SPACA7: variants seen among roughly 807,000 people sequenced by gnomAD.
SPACA7 encodes the protein sperm acrosome associated 7, also known as sperm acrosome-associated protein 7.
SPACA7 carries 19 observed loss-of-function variants against 26.3 expected under a neutral mutation model. The observed-to-expected ratio is 0.72, with a 90% confidence interval of 0.50 to 1.06. The LOEUF (loss-of-function observed/expected upper bound fraction) is 1.06, where lower values mean the gene tolerates loss of function less well. Among genes scored for constraint, SPACA7 ranks in the 50% least tolerant of loss-of-function variants. SPACA7 has a pLI of 0.00. For missense variants in SPACA7, 211 were observed against 229.9 expected, an observed-to-expected ratio of 0.92 and a Z score of 0.53; for synonymous variants, 84 against 84.5, an observed-to-expected ratio of 0.99 and a Z score of 0.04.
chr13:112,400,106 C>G (rs914979812), intron 4 of SPACA7, among the ~76,000 whole-genome samples: 1 of 151,116 alleles, frequency 6.6e-6, no homozygotes, highest in Admixed American at 6.6e-5. Context: ...CTGGGACACA[C>G]ATGTAGGACA....
At chr13:112,394,813 A>G (rs974071481) in intron 2 of SPACA7, among the ~76,000 whole-genome samples, 1 of 152,142 alleles carries the variant, frequency 6.6e-6, no homozygotes, top group African/African-American at 2.4e-5. Flanking sequence ...ACCCCCAGAG[A>G]AACAGTGGCC....
chr13:112,411,733 A>C lies in SPACA7; in HGVS notation c.445+10569A>C, dbSNP rs563340818. Among the ~76,000 whole-genome samples the C allele has an allele frequency of 6.6e-5, 10 of 152,236 alleles. No homozygotes were observed. The East Asian group carries it at 1.9e-3, about 29-fold the overall frequency. The stretch of plus-strand genomic sequence containing the variant: ...CCTTTCACTTGACCTAATGTCCTTC[A>C]GTTCCACCTGTGTTGCTGCAATTGA... On this transcript the variant is annotated intron_variant, in intron 5 of 6. Coordinates refer to ENST00000283550, the MANE Select transcript of SPACA7 (RefSeq NM_145248.5).
intron 4 of SPACA7, among the ~76,000 whole-genome samples, chr13:112,399,481 C>T (rs1055414476): frequency 6.6e-6 from 1 of 152,240 alleles, no homozygotes; most frequent in Admixed American, 6.5e-5. Context: ...CTGGCCCCCT[C>T]TCCCAAAGCT....
intron 6 of SPACA7, among the ~76,000 whole-genome samples, chr13:112,433,394 GT>G (rs1877377098): frequency 6.7e-6 from 1 of 148,976 alleles, no homozygotes; most frequent in Admixed American, 6.8e-5. Flanking sequence ...GCCAGGCACT[GT>G]CCTAGGCTCT....
At chr13:112,376,896 C>A (rs553425306) in intron 1 of SPACA7, among the ~76,000 whole-genome samples, 5 of 152,236 alleles carry the variant, frequency 3.3e-5, no homozygotes, top group South Asian at 2.1e-4. Flanking sequence ...CATTTTCTTG[C>A]GAAGAGATAA....
intron 1 of SPACA7, among the ~76,000 whole-genome samples, chr13:112,391,465 A>G (rs17121043): frequency 0.029 from 4,340 of 152,258 alleles, 144 homozygotes; most frequent in African/African-American, 0.083. Flanking sequence ...TTTTCCCCAA[A>G]TTAACCAGAA....
intron 5 of SPACA7, among the ~76,000 whole-genome samples, chr13:112,428,851 A>G (rs982882264): frequency 1.4e-4 from 22 of 152,348 alleles, no homozygotes; most frequent in African/African-American, 4.8e-4. Context: ...ATAAATGTCA[A>G]TTAGATCAAG....
intron 5 of SPACA7, among the ~76,000 whole-genome samples, chr13:112,406,919 T>G (rs1031156839): frequency 2.0e-5 from 3 of 152,188 alleles, no homozygotes; most frequent in Non-Finnish European, 2.9e-5. Context: ...TATACATTCT[T>G]CTCAGCACCA....
chr13:112,417,230 G>A (rs974897622), intron 5 of SPACA7, among the ~76,000 whole-genome samples: 2 of 151,908 alleles, frequency 1.3e-5, no homozygotes, highest in Admixed American at 6.6e-5. Flanking sequence ...CATAGTTAAT[G>A]CTGCTGTTGT....
intron 5 of SPACA7, among the ~76,000 whole-genome samples, chr13:112,413,034 T>C (rs1353759111): frequency 6.6e-6 from 1 of 152,226 alleles, no homozygotes; most frequent in Non-Finnish European, 1.5e-5. Flanking sequence ...TCTTTTTATA[T>C]TGCCTATCTC....
At chr13:112,410,814 T>A (rs1886300272) in intron 5 of SPACA7, among the ~76,000 whole-genome samples, 1 of 152,110 alleles carries the variant, frequency 6.6e-6, no homozygotes, top group Non-Finnish European at 1.5e-5. Context: ...ACACCCAAAA[T>A]AACTGAAAGC....
chr13:112,427,136 T>C (rs988677702), intron 5 of SPACA7, among the ~76,000 whole-genome samples: 2 of 152,248 alleles, frequency 1.3e-5, no homozygotes, highest in African/African-American at 4.8e-5. Context: ...ATTCTGAGCA[T>C]AGCAAATATT....
chr13:112,377,326 CA>C (rs1883759337), intron 1 of SPACA7, among the ~76,000 whole-genome samples: 1 of 152,198 alleles, frequency 6.6e-6, no homozygotes, highest in African/African-American at 2.4e-5. Context: ...CAACAGGACA[CA>C]AAGGTCTGCT....
intron 5 of SPACA7, among the ~76,000 whole-genome samples, chr13:112,430,607 G>A (rs1305140903): frequency 6.6e-6 from 1 of 152,170 alleles, no homozygotes; most frequent in Non-Finnish European, 1.5e-5. Context: ...AAGGACTGGG[G>A]TGATGGCCCC....
chr13:112,387,223 TC>T (rs1230537725), intron 1 of SPACA7, among the ~76,000 whole-genome samples: 9 of 152,192 alleles, frequency 5.9e-5, no homozygotes, highest in Admixed American at 5.9e-4. Context: ...ATCCCCTAAT[TC>T]CTGTCTTCTA....
chr13:112,417,418 T>TG (rs1346889223), intron 5 of SPACA7, among the ~76,000 whole-genome samples: 1 of 152,166 alleles, frequency 6.6e-6, no homozygotes, highest in African/African-American at 2.4e-5. Context: ...ATATCAGTAT[T>TG]GAAAAATACT....
intron 5 of SPACA7, among the ~76,000 whole-genome samples, chr13:112,405,938 G>T (rs1350554762): frequency 6.6e-6 from 1 of 151,924 alleles, no homozygotes; most frequent in Non-Finnish European, 1.5e-5. Context: ...TTTGAGGATT[G>T]GATATTTCTT....
rs1876252890 is a variant in SPACA7, at chr13:112,423,852, C to T, written c.446-8592C>T. On this transcript the variant is annotated intron_variant, in intron 5 of 6. Coordinates refer to ENST00000283550, the MANE Select transcript of SPACA7 (RefSeq NM_145248.5). ...TAAAACAGAACGATTAGACTGTAAA[C>T]GGTTATTTCCACAGAAAACAATAGA... Among the ~76,000 whole-genome samples the T allele has an allele frequency of 2.0e-5, 3 of 152,302 alleles. No homozygotes were observed. In the South Asian group the frequency reaches 6.2e-4, roughly 32 times the overall value.
At chr13:112,400,488 T>C (rs1250514936) in intron 4 of SPACA7, among the ~76,000 whole-genome samples, 1 of 152,178 alleles carries the variant, frequency 6.6e-6, no homozygotes, top group East Asian at 1.9e-4. Context: ...TATTACTGTC[T>C]ACATGGGCTA....
Sources: gnomAD v4.1 joint callset for allele counts (sites outside exome capture counted in the v4.1 genomes callset) on GRCh38, gnomAD v4.1.1 for gene constraint, MANE v1.5 for transcripts, NCBI Gene and HGNC (gene_info 2026-07-23, HGNC 2026-07-21) for gene names.